Variants in FARSB observed in about 807,000 individuals in gnomAD.
FARSB encodes the protein phenylalanyl-tRNA synthetase subunit beta.
A neutral mutation model predicts 69.6 loss-of-function variants in FARSB; 40 were observed. That is an observed-to-expected ratio of 0.57 (90% confidence interval 0.45 to 0.75). The LOEUF (loss-of-function observed/expected upper bound fraction) is 0.75. Among genes scored for constraint, FARSB ranks in the 30% least tolerant of loss-of-function variants. FARSB has a pLI of 0.00. For synonymous variants in FARSB, 235 were observed against 247.2 expected (o/e 0.95, Z 0.46); for missense variants, 632 against 722.9 (o/e 0.87, Z 1.44).
intron 1 of FARSB, among the ~76,000 whole-genome samples, chr2:222,649,769 C>T (rs895984207): frequency 3.3e-5 from 5 of 152,306 alleles, no homozygotes; most frequent in East Asian, 1.9e-4. Context: ...AATAAGTTCT[C>T]TTCCTTATTT....
At position 222,589,287 on chromosome 2, in the gene FARSB, C is replaced by T. The variant is rs190833796; in HGVS notation, c.1618+10641G>A. Among the ~76,000 whole-genome samples, 39 of 152,120 alleles carry T rather than the reference C, an allele frequency of 2.6e-4. No homozygotes were observed. In the East Asian group the frequency reaches 5.6e-3, roughly 22 times the overall value. On this transcript the variant is annotated intron_variant, in intron 16 of 16. Transcript: ENST00000281828. ...AAAGGATTCCCTATTTAACAAATGG[C>T]GCTGGGAAAACTGGCTAGCCATATG...
At chr2:222,649,334 T>C (rs919287028) in intron 1 of FARSB, among the ~76,000 whole-genome samples, 3 of 151,216 alleles carry the variant, frequency 2.0e-5, no homozygotes, top group East Asian at 1.9e-4. Context: ...TAATATCAAC[T>C]GTAGTTTAGG....
intron 16 of FARSB, among the ~76,000 whole-genome samples, chr2:222,588,818 T>A (rs1319413631): frequency 6.6e-6 from 1 of 152,108 alleles, no homozygotes; most frequent in Non-Finnish European, 1.5e-5. Flanking sequence ...GTGAAAAACT[T>A]CTTCAAGGAG....
intron 16 of FARSB, among the ~76,000 whole-genome samples, chr2:222,587,079 T>C (rs1690134988): frequency 6.6e-6 from 1 of 152,178 alleles, no homozygotes; most frequent in Non-Finnish European, 1.5e-5. Flanking sequence ...ACATCGCACT[T>C]ATTCCAAAAC....
At chr2:222,582,017 T>C (rs1689984116) in intron 16 of FARSB, among the ~76,000 whole-genome samples, 1 of 152,246 alleles carries the variant, frequency 6.6e-6, no homozygotes, top group Non-Finnish European at 1.5e-5. Context: ...TGTTTGGCAG[T>C]GTCTAGTGAA....
intron 15 of FARSB, among the ~76,000 whole-genome samples, chr2:222,605,136 T>G (rs1050615422): frequency 1.4e-5 from 2 of 138,202 alleles, no homozygotes; most frequent in African/African-American, 5.7e-5. Context: ...TTGAAGAGCC[T>G]GATTCCACTG....
Position 222,633,264 on chromosome 2 carries a change from T to C in FARSB, c.650A>G (p.Lys217Arg). 6.3e-7 allele frequency: 1 copy of C among 1,577,764 alleles called. No individual in the cohort carries two copies. The change falls in exon 7 of 17, where the codon AAA becomes AGA. Residue 217 changes from lysine to arginine, a missense_variant. Lys to Arg is a conservative substitution (Grantham distance 26). Transcript: ENST00000281828. ...ATCATAGATAACTGGATACAGGGGT[T>C]TGTTTTCAATGATATGTAAATAATG... ...LKHYLHIIEN[K>R]PLYPVIYDSN...
chr2:222,609,263 A>T (rs915123435), intron 15 of FARSB, among the ~76,000 whole-genome samples: 3 of 152,232 alleles, frequency 2.0e-5, no homozygotes, highest in African/African-American at 7.2e-5. Context: ...GGGCATAAGG[A>T]TTAAGAATTC....
intron 16 of FARSB, among the ~76,000 whole-genome samples, chr2:222,583,125 C>T (rs1690015463): frequency 6.6e-6 from 1 of 152,070 alleles, no homozygotes; most frequent in East Asian, 1.9e-4. Flanking sequence ...CTTCAAGGGA[C>T]TCCTGCTGGC....
intron 14 of FARSB, 77 bp from the exon 15 acceptor site, chr2:222,614,005 G>T: frequency 1.2e-6 from 1 of 802,744 alleles, no homozygotes; most frequent in Non-Finnish European, 2.1e-6. Context: ...AAAGACCATG[G>T]CAGAAAGACT....
intron 15 of FARSB, among the ~76,000 whole-genome samples, chr2:222,602,573 T>TA (rs1275938502): frequency 7.6e-4 from 115 of 150,800 alleles, no homozygotes; most frequent in African/African-American, 2.8e-3. Flanking sequence ...AGGTGGCTTT[T>TA]CTTTTTTTTT....
chr2:222,600,058 A>AT lies in FARSB; in HGVS notation c.1487dup (p.His496GlnfsTer14), dbSNP rs780610995. ...TCTTGTTGTAATAAACAGCACAGAG[A>AT]TGTCTGTAGTTTTTTGCACCTACAT... is the stretch of plus-strand genomic sequence containing the variant. On this transcript the variant is annotated frameshift_variant, in exon 16 of 17. Coordinates refer to ENST00000281828, the MANE Select transcript of FARSB (RefSeq NM_005687.5). LOFTEE classifies it high-confidence loss of function. The AT allele has an allele frequency of 1.9e-6, 3 of 1,608,848 alleles. No individual in the cohort carries two copies. The highest frequency in any genetic ancestry group is 1.7e-6 in the Non-Finnish European group (2 of 1,178,822).
chr2:222,599,278 T>C (rs965926138), intron 16 of FARSB, among the ~76,000 whole-genome samples: 27 of 152,200 alleles, frequency 1.8e-4, no homozygotes, highest in African/African-American at 6.0e-4. Flanking sequence ...TAAATTTAGA[T>C]TGAAGCTGCA....
Position 222,589,917 on chromosome 2 carries a change from G to T in FARSB, c.1618+10011C>A, listed in dbSNP as rs1443209459. Reference sequence around the variant, plus strand: ...TAGGAACACTTTCACCCTGTTAGTGGGACTGTAAACTAGTTCAACCATTGT... The same window carrying T: ...TAGGAACACTTTCACCCTGTTAGTGTGACTGTAAACTAGTTCAACCATTGT... On this transcript the variant is annotated intron_variant, in intron 16 of 16. Transcript: ENST00000281828. Among the ~76,000 whole-genome samples the T allele has an allele frequency of 2.0e-5, 3 of 152,298 alleles. No homozygotes were observed. The East Asian group carries it at 5.8e-4, about 29-fold the overall frequency.
intron 15 of FARSB, among the ~76,000 whole-genome samples, chr2:222,610,731 T>C (rs1690827156): frequency 6.6e-6 from 1 of 152,224 alleles, no homozygotes; most frequent in Admixed American, 6.5e-5. Flanking sequence ...CCAACAGTTC[T>C]TATTACGTGG....
intron 16 of FARSB, among the ~76,000 whole-genome samples, chr2:222,576,040 A>T (rs780839323): frequency 6.6e-6 from 1 of 151,350 alleles, no homozygotes; most frequent in Non-Finnish European, 1.5e-5. Flanking sequence ...TTACACGTAG[A>T]GTCATTCCTA....
In FARSB at chr2:222,600,095, A is replaced by C; in HGVS notation, c.1463-12T>G. 1 of 1,601,700 alleles carries C rather than the reference A, an allele frequency of 6.2e-7. No homozygotes were observed. Among genetic ancestry groups the C allele is most frequent in the African/African-American group, 1.3e-5 (1 of 74,092 alleles). ...TTTTGCACCTACATCTAGAAAAATA[A>C]AGGAACTGGTCACAACGCTGTATTA... On this transcript the variant is annotated splice_polypyrimidine_tract_variant and intron_variant, in intron 15 of 16. Transcript: ENST00000281828.
intron 16 of FARSB, among the ~76,000 whole-genome samples, chr2:222,580,210 A>G (rs1689932587): frequency 6.6e-6 from 1 of 152,078 alleles, no homozygotes; most frequent in Non-Finnish European, 1.5e-5. Flanking sequence ...TCACGTGTCT[A>G]AAGACATTTT....
intron 15 of FARSB, among the ~76,000 whole-genome samples, chr2:222,601,506 A>C (rs1029890584): frequency 2.6e-5 from 4 of 152,098 alleles, no homozygotes; most frequent in Non-Finnish European, 5.9e-5. Flanking sequence ...AACAGAGAAA[A>C]AGACTGAAAA....
Sources: allele counts gnomAD v4.1 joint callset (sites outside exome capture counted in the v4.1 genomes callset), GRCh38; gene constraint gnomAD v4.1.1; transcripts MANE v1.5; gene names NCBI Gene and HGNC (gene_info 2026-07-23, HGNC 2026-07-21).